Variants in DCC observed in about 807,000 individuals in gnomAD.
The protein encoded by DCC is DCC netrin 1 receptor.
Under a neutral mutation model 172.5 loss-of-function variants are expected in DCC, and 58 were observed. That is an observed-to-expected ratio of 0.34 (90% CI 0.27 to 0.42). The LOEUF is 0.42. Among genes scored for constraint, DCC ranks in the 10% least tolerant of loss-of-function variants. DCC has a pLI of 1.00. For missense variants in DCC, 1,740 were observed against 1,791.0 expected (o/e 0.97, Z 0.51); for synonymous variants, 709 against 644.5 (o/e 1.10, Z -1.52).
intron 5 of DCC, among the ~76,000 whole-genome samples, chr18:53,063,031 T>G (rs2144079453): frequency 6.6e-6 from 1 of 152,248 alleles, no homozygotes; most frequent in South Asian, 2.1e-4. Context: ...ATATTCAGAA[T>G]GTTTATTATG....
chr18:53,348,590 T>C (rs1462716303), intron 15 of DCC, among the ~76,000 whole-genome samples: 2 of 152,164 alleles, frequency 1.3e-5, no homozygotes, highest in Non-Finnish European at 2.9e-5. Context: ...GGGGCTCTGA[T>C]CCCACATTTT....
At chr18:53,262,513 A>T (rs1029141339) in intron 12 of DCC, among the ~76,000 whole-genome samples, 1 of 152,228 alleles carries the variant, frequency 6.6e-6, no homozygotes, top group African/African-American at 2.4e-5. Context: ...TTCAGAAGAG[A>T]TAATGTTTGC....
At chr18:52,828,980 G>A (rs530265880) in intron 2 of DCC, among the ~76,000 whole-genome samples, 1 of 152,216 alleles carries the variant, frequency 6.6e-6, no homozygotes, top group African/African-American at 2.4e-5. Context: ...CTATGTATAT[G>A]GTCAGGTAAT....
chr18:53,389,990 G>A (rs561702208), intron 16 of DCC, among the ~76,000 whole-genome samples: 17 of 152,254 alleles, frequency 1.1e-4, no homozygotes, highest in African/African-American at 3.9e-4. Context: ...TGTGTATCAC[G>A]TTCTTCTTGT....
At chr18:52,635,824 A>G (rs947372586) in intron 1 of DCC, among the ~76,000 whole-genome samples, 85 of 152,180 alleles carry the variant, frequency 5.6e-4, no homozygotes, top group African/African-American at 2.0e-3. Flanking sequence ...ACTCCCCCCA[A>G]AAAAGTCAAT....
At chr18:53,152,260 T>G (rs956987903) in intron 7 of DCC, among the ~76,000 whole-genome samples, 5 of 152,176 alleles carry the variant, frequency 3.3e-5, no homozygotes, top group African/African-American at 1.2e-4. Flanking sequence ...ATTTTTGTTG[T>G]TATGAGTACC....
At chr18:53,278,216 A>G (rs140603916) in intron 12 of DCC, among the ~76,000 whole-genome samples, 47 of 152,236 alleles carry the variant, frequency 3.1e-4, no homozygotes, top group African/African-American at 1.0e-3. Context: ...TCATTCACAT[A>G]TTGGGAATTA....
At chr18:52,698,981 A>G (rs1304843202) in intron 1 of DCC, among the ~76,000 whole-genome samples, 2 of 152,120 alleles carry the variant, frequency 1.3e-5, no homozygotes, top group Non-Finnish European at 2.9e-5. Flanking sequence ...ATAGCATGGG[A>G]CCAAGTCATG....
At chr18:53,500,948 G>A (rs2046090732) in intron 27 of DCC, among the ~76,000 whole-genome samples, 2 of 151,970 alleles carry the variant, frequency 1.3e-5, no homozygotes, top group Admixed American at 6.6e-5. Context: ...ACTTTATATG[G>A]CCCCAAAACT....
chr18:53,089,589 A>C lies in DCC; in HGVS notation c.1261+23423A>C, dbSNP rs80329815. On this transcript the variant is annotated intron_variant, in intron 7 of 28. Coordinates refer to ENST00000442544, the MANE Select transcript of DCC (RefSeq NM_005215.4). Reference sequence around the variant, plus strand: ...TTTCCTCCTAACTAAAAAAAAAACCAAAAAACAAAAAACAAAAAACAAAAA... The same window carrying C: ...TTTCCTCCTAACTAAAAAAAAAACCCAAAAACAAAAAACAAAAAACAAAAA... Among the ~76,000 whole-genome samples the C allele has an allele frequency of 2.1e-3, 71 of 33,126 alleles. 1 individual carries two copies. The highest frequency in any genetic ancestry group is 0.013 in the Middle Eastern group (1 of 76). The allele number at this position is 33,126 out of a possible 152,430, so 21.7% of individuals were successfully genotyped here. A position where few individuals can be genotyped will look rare whatever the true frequency, so the allele number is the denominator to read the frequency against.
intron 7 of DCC, among the ~76,000 whole-genome samples, chr18:53,128,830 T>TACACACACACACACACACAC (rs1209652447): frequency 1.1e-5 from 1 of 86,966 alleles, no homozygotes; most frequent in African/African-American, 4.2e-5. Context: ...TGTATACACA[T>TACACACACACACACACACAC]ACACACACAC....
intron 2 of DCC, among the ~76,000 whole-genome samples, chr18:52,896,468 T>C (rs2039731298): frequency 6.6e-6 from 1 of 152,194 alleles, no homozygotes; most frequent in Non-Finnish European, 1.5e-5. Context: ...TGCTATCTAG[T>C]ACCTTCTGTA....
intron 2 of DCC, among the ~76,000 whole-genome samples, chr18:52,879,099 G>T (rs934869238): frequency 1.3e-5 from 2 of 152,160 alleles, no homozygotes; most frequent in African/African-American, 4.8e-5. Flanking sequence ...CACAATTGCT[G>T]ATAGAACAAA....
chr18:52,514,325 T>A (rs1787122), intron 1 of DCC, among the ~76,000 whole-genome samples: 56,788 of 151,904 alleles, frequency 0.37, 11,155 homozygotes, highest in African/African-American at 0.48. Flanking sequence ...TGGTTTTTTT[T>A]ATTGATATTT....
intron 2 of DCC, among the ~76,000 whole-genome samples, chr18:52,790,629 G>A (rs1346600544): frequency 1.3e-5 from 2 of 152,284 alleles, no homozygotes; most frequent in Middle Eastern, 3.4e-3. Flanking sequence ...CCATACAAAA[G>A]TCTGGGATAT....
At chr18:52,340,916 T>TC in intron 1 of DCC, 38 bp downstream of exon 1, 1 of 1,433,646 alleles carries the variant, frequency 7.0e-7, no homozygotes, top group Non-Finnish European at 9.8e-7. Flanking sequence ...CGCACCCCCT[T>TC]CCGTACCCCA....
intron 1 of DCC, among the ~76,000 whole-genome samples, chr18:52,589,776 T>G (rs1253784299): frequency 6.6e-6 from 1 of 152,314 alleles, no homozygotes; most frequent in African/African-American, 2.4e-5. Flanking sequence ...AACAGAGAAC[T>G]TAGAAGGGAC....
chr18:52,643,771 G>C (rs1173876923), intron 1 of DCC, among the ~76,000 whole-genome samples: 2 of 152,020 alleles, frequency 1.3e-5, no homozygotes, highest in Non-Finnish European at 2.9e-5. Flanking sequence ...AAACAAATGG[G>C]GTCATGAGTG....
chr18:53,527,346 GT>G, intron 28 of DCC, among the ~76,000 whole-genome samples: 1 of 151,738 alleles, frequency 6.6e-6, no homozygotes, highest in South Asian at 2.1e-4. Flanking sequence ...AATTTCCCAA[GT>G]AGCTAAGACT....
Sources: allele counts gnomAD v4.1 joint callset (sites outside exome capture counted in the v4.1 genomes callset), GRCh38; gene constraint gnomAD v4.1.1; transcripts MANE v1.5; gene names NCBI Gene and HGNC (gene_info 2026-07-23, HGNC 2026-07-21).